LRRC17: variants seen among roughly 807,000 people sequenced by gnomAD.
The protein encoded by LRRC17 is leucine-rich repeat-containing protein 17.
In LRRC17, 33 loss-of-function variants were observed where a neutral mutation model predicts 41.5. The ratio of observed to expected loss-of-function variants is 0.80; its 90% CI spans 0.60 to 1.06. The LOEUF (loss-of-function observed/expected upper bound fraction) is 1.06, where lower values mean the gene tolerates loss of function less well. Among genes scored for constraint, LRRC17 ranks in the 50% least tolerant of loss-of-function variants. The probability of loss-of-function intolerance (pLI) is 0.00; values close to 1 mark genes in which losing one functional copy is unlikely to be tolerated. For missense variants in LRRC17, 491 were observed against 519.3 expected (o/e 0.95, Z 0.53); for synonymous variants, 192 against 197.0 (o/e 0.97, Z 0.21).
At chr7:102,916,189 G>A (rs2129469577) in intron 1 of LRRC17, among the ~76,000 whole-genome samples, 1 of 152,196 alleles carries the variant, frequency 6.6e-6, no homozygotes, top group Admixed American at 6.5e-5. Context: ...GTTTTACCAT[G>A]TTGGCCAGAC....
intron 2 of LRRC17, 73 bp downstream of exon 2, chr7:102,934,758 C>A: frequency 7.9e-7 from 1 of 1,271,752 alleles, no homozygotes; most frequent in Non-Finnish European, 1.1e-6. Flanking sequence ...ATCCTCCCTA[C>A]ATCCCACCAT....
chr7:102,928,551 C>T lies in LRRC17; in HGVS notation c.-140-5223C>T, dbSNP rs545601696. Among the ~76,000 whole-genome samples, 8 of 152,288 alleles carry T rather than the reference C, an allele frequency of 5.3e-5. No individual in the cohort carries two copies. The South Asian group carries it at 1.4e-3, about 28-fold the overall frequency. On this transcript the variant is annotated intron_variant, in intron 1 of 3. Transcript: ENST00000339431. ...CCTGTATATTATTAGACTCCAAAAT[C>T]GGACAAGACTTTGATGTTCACAAAT...
chr7:102,931,816 ATT>A, intron 1 of LRRC17: 2 of 1,469,730 alleles, frequency 1.4e-6, no homozygotes, highest in South Asian at 2.4e-5. Context: ...TATTCTGCAT[ATT>A]GGCACCCCAA....
chr7:102,924,641 CTTTTTTT>C (rs71106699), intron 1 of LRRC17, among the ~76,000 whole-genome samples: 4 of 121,044 alleles, frequency 3.3e-5, no homozygotes, highest in African/African-American at 9.2e-5. Flanking sequence ...GTAAGCTTTT[CTTTTTTT>C]TTTTTTTTTT....
intron 1 of LRRC17, among the ~76,000 whole-genome samples, chr7:102,923,337 G>A (rs1345283561): frequency 1.3e-5 from 2 of 152,070 alleles, no homozygotes; most frequent in African/African-American, 2.4e-5. Flanking sequence ...GTTTTCCGTG[G>A]TATAGAATAC....
chr7:102,916,479 A>G (rs1178601089), intron 1 of LRRC17, among the ~76,000 whole-genome samples: 1 of 152,234 alleles, frequency 6.6e-6, no homozygotes, highest in African/African-American at 2.4e-5. Context: ...TCATGGAACC[A>G]TCAGTTTGAA....
At chr7:102,932,798 G>A (rs1356341331) in intron 1 of LRRC17, among the ~76,000 whole-genome samples, 4 of 151,890 alleles carry the variant, frequency 2.6e-5, no homozygotes, top group East Asian at 3.9e-4. Context: ...TTGTAGAGAC[G>A]GGGTTTCCCC....
chr7:102,913,020 G>T lies in LRRC17; in HGVS notation c.-266G>T. On this transcript the variant is annotated 5_prime_UTR_variant, in exon 1 of 4. Coordinates refer to ENST00000339431, the MANE Select transcript of LRRC17 (RefSeq NM_001031692.3). ...ACAGCATTAGTATAACGTGAGGGCT[G>T]AATGCAGCCCATTCTCTGGAGAACT... 1.2e-6 allele frequency: 2 copies of T among 1,607,456 alleles called. No homozygotes were observed.
intron 3 of LRRC17, among the ~76,000 whole-genome samples, chr7:102,941,761 GATT>G (rs1044100353): frequency 2.0e-5 from 3 of 150,886 alleles, no homozygotes; most frequent in African/African-American, 7.3e-5. Flanking sequence ...AAAAAAAAAA[GATT>G]ATAATAGTTA....
rs368442535 is a variant in LRRC17 at position 102,944,655 on chromosome 7, T to C, written c.*48T>C. 4.1e-6 allele frequency: 6 copies of C among 1,474,500 alleles called. No individual in the cohort carries two copies. The African/African-American group carries it at 8.4e-5, about 21-fold the overall frequency. The allele number at this position is 1,474,500 out of a possible 1,614,324, so 91.3% of individuals were successfully genotyped here. A position where few individuals can be genotyped will look rare whatever the true frequency, so the allele number is the denominator to read the frequency against. ...ATTAGTTTTGTATTTTCTATACTGG[T>C]GTTAGAAAACATATGTTTACATTTG... On this transcript the variant is annotated 3_prime_UTR_variant, in exon 4 of 4. Coordinates refer to ENST00000339431, the MANE Select transcript of LRRC17 (RefSeq NM_001031692.3).
Position 102,913,071 on chromosome 7 carries a change from G to A in LRRC17, c.-215G>A, listed in dbSNP as rs1815078788. On this transcript the variant is annotated 5_prime_UTR_variant, in exon 1 of 4. Coordinates refer to ENST00000339431, the MANE Select transcript of LRRC17 (RefSeq NM_001031692.3). ...TCCTCACACACCGCAGCAAAGAGAAGACTGAAAGACAAACCTGGGTGCAGC... is the reference window on the plus strand; with the variant it reads ...TCCTCACACACCGCAGCAAAGAGAAAACTGAAAGACAAACCTGGGTGCAGC... The A allele has an allele frequency of 8.7e-6, 14 of 1,614,060 alleles. No homozygotes were observed. The highest frequency in any genetic ancestry group is 1.2e-5 in the Non-Finnish European group (14 of 1,179,964).
At position 102,944,805 on chromosome 7, in the gene LRRC17, T is replaced by C. The variant is rs1352166313; in HGVS notation, c.*198T>C. 12 of 514,812 alleles carry C rather than the reference T, an allele frequency of 2.3e-5. No individual in the cohort carries two copies. Among genetic ancestry groups the C allele is most frequent in the Non-Finnish European group, 3.6e-5 (11 of 301,854 alleles). 31.9% of individuals were successfully genotyped at this position (514,812 alleles called of 1,614,324 possible). A position where few individuals can be genotyped will look rare whatever the true frequency, so the allele number is the denominator to read the frequency against. ...ATCATCCTGCTTGCCTGTCCATTTG[T>C]GGAACAGCATCTGGTGATATGCAAT... is the stretch of plus-strand genomic sequence containing the variant. On this transcript the variant is annotated 3_prime_UTR_variant, in exon 4 of 4. Coordinates refer to ENST00000339431, the MANE Select transcript of LRRC17 (RefSeq NM_001031692.3).
chr7:102,927,608 C>T (rs1000974464), intron 1 of LRRC17, among the ~76,000 whole-genome samples: 1 of 152,150 alleles, frequency 6.6e-6, no homozygotes, highest in Non-Finnish European at 1.5e-5. Flanking sequence ...TTAAAGAGAA[C>T]ACAAGATTCT....
chr7:102,917,389 T>C (rs1209240972), intron 1 of LRRC17, among the ~76,000 whole-genome samples: 2 of 152,200 alleles, frequency 1.3e-5, no homozygotes, highest in Non-Finnish European at 2.9e-5. Context: ...TCATAATAGC[T>C]TTACTCAGCA....
chr7:102,932,596 G>GT (rs921428844), intron 1 of LRRC17, among the ~76,000 whole-genome samples: 11 of 2,726 alleles, frequency 4.0e-3, no homozygotes, highest in Non-Finnish European at 0.016. Flanking sequence ...TGTTTGTTTC[G>GT]TTTTTTTGAG....
intron 1 of LRRC17, among the ~76,000 whole-genome samples, chr7:102,916,020 G>A (rs1232542618): frequency 6.7e-6 from 1 of 150,080 alleles, no homozygotes; most frequent in Admixed American, 6.7e-5. Flanking sequence ...GTCTCACTCT[G>A]TTACCCAGGC....
Position 102,913,066 on chromosome 7 carries a change from G to A in LRRC17, c.-220G>A, listed in dbSNP as rs1369511553. On this transcript the variant is annotated 5_prime_UTR_variant, in exon 1 of 4. Transcript: ENST00000339431. Reference sequence around the variant, plus strand: ...GAACTTCCTCACACACCGCAGCAAAGAGAAGACTGAAAGACAAACCTGGGT... The same window carrying A: ...GAACTTCCTCACACACCGCAGCAAAAAGAAGACTGAAAGACAAACCTGGGT... The A allele has an allele frequency of 1.9e-6, 3 of 1,614,064 alleles. No individual in the cohort carries two copies. The highest frequency in any genetic ancestry group is 1.7e-6 in the Non-Finnish European group (2 of 1,179,966).
intron 3 of LRRC17, among the ~76,000 whole-genome samples, chr7:102,940,366 C>T (rs559831507): frequency 3.9e-5 from 6 of 151,938 alleles, no homozygotes; most frequent in East Asian, 1.9e-4. Flanking sequence ...CCCGCCACCA[C>T]GCCCGGCTAA....
chr7:102,919,050 G>T (rs984011951), intron 1 of LRRC17, among the ~76,000 whole-genome samples: 1 of 152,176 alleles, frequency 6.6e-6, no homozygotes, highest in African/African-American at 2.4e-5. Context: ...TCCCACAGTG[G>T]TCACTGGAGC....
Sources: allele counts gnomAD v4.1 joint callset (sites outside exome capture counted in the v4.1 genomes callset), GRCh38; gene constraint gnomAD v4.1.1; transcripts MANE v1.5; gene names NCBI Gene and HGNC (gene_info 2026-07-23, HGNC 2026-07-21).